The following CRYBG3 variants were observed in gnomAD, a reference collection of about 807,000 sequenced individuals.
CRYBG3 encodes very large A-kinase anchor protein.
A neutral mutation model predicts 244.2 loss-of-function variants in CRYBG3; 127 were observed. The observed-to-expected ratio is 0.52, with a 90% CI of 0.45 to 0.60. CRYBG3 has a LOEUF of 0.60. CRYBG3 is among the 20% of genes least tolerant of loss of function. CRYBG3 has a pLI of 0.00. For missense variants in CRYBG3, 3,325 were observed against 3,442.5 expected (o/e 0.97, Z 0.85); for synonymous variants, 1,132 against 1,195.8 (o/e 0.95, Z 1.10).
intron 4 of CRYBG3, among the ~76,000 whole-genome samples, chr3:97,879,310 A>G (rs1367866460): frequency 6.6e-6 from 1 of 152,086 alleles, no homozygotes; most frequent in Non-Finnish European, 1.5e-5. Context: ...ACTCACTGAA[A>G]TATTGTTTTT....
intron 9 of CRYBG3, among the ~76,000 whole-genome samples, chr3:97,889,123 T>C (rs2039542836): frequency 6.6e-6 from 1 of 152,180 alleles, no homozygotes; most frequent in African/African-American, 2.4e-5. Flanking sequence ...CTGGAAAGTG[T>C]ATCCTTAAGA....
chr3:97,914,650 C>T (rs1346234182), intron 16 of CRYBG3, among the ~76,000 whole-genome samples: 1 of 152,082 alleles, frequency 6.6e-6, no homozygotes, highest in African/African-American at 2.4e-5. Flanking sequence ...AATAACGGTA[C>T]CTACCTCAAA....
chr3:97,939,158 AT>A (rs1008331985), intron 19 of CRYBG3, among the ~76,000 whole-genome samples: 11 of 152,170 alleles, frequency 7.2e-5, no homozygotes, highest in African/African-American at 2.6e-4. Context: ...CTGGTAAAGG[AT>A]AGAACAGCCA....
chr3:97,861,221 T>G (rs1467918520), intron 2 of CRYBG3, among the ~76,000 whole-genome samples: 1 of 152,208 alleles, frequency 6.6e-6, no homozygotes, highest in Non-Finnish European at 1.5e-5. Flanking sequence ...TGTGTCTTTG[T>G]GCATACTATG....
intron 7 of CRYBG3, among the ~76,000 whole-genome samples, chr3:97,883,484 C>T (rs567329123): frequency 8.8e-4 from 134 of 152,074 alleles, no homozygotes; most frequent in Non-Finnish European, 1.7e-3. Context: ...CTCTCTCACC[C>T]CCCCCACCAA....
At chr3:97,835,566 G>A (rs978636773) in intron 1 of CRYBG3, among the ~76,000 whole-genome samples, 1 of 152,122 alleles carries the variant, frequency 6.6e-6, no homozygotes, top group Admixed American at 6.6e-5. Flanking sequence ...TTAGTTCATA[G>A]TAAGGAGTTG....
At chr3:97,890,937 A>G (rs2039568865) in intron 10 of CRYBG3, among the ~76,000 whole-genome samples, 2 of 152,202 alleles carry the variant, frequency 1.3e-5, no homozygotes, top group South Asian at 4.1e-4. Context: ...AATGCCAAAA[A>G]TTTGTTTCTG....
intron 1 of CRYBG3, among the ~76,000 whole-genome samples, chr3:97,842,219 G>A (rs1037789559): frequency 1.3e-5 from 2 of 152,126 alleles, no homozygotes; most frequent in Admixed American, 1.3e-4. Flanking sequence ...AATTTGTCTA[G>A]TATTATGAAA....
intron 2 of CRYBG3, among the ~76,000 whole-genome samples, chr3:97,847,544 T>C (rs1023819998): frequency 2.6e-5 from 4 of 152,236 alleles, no homozygotes; most frequent in Non-Finnish European, 5.9e-5. Flanking sequence ...ATAAACTTCA[T>C]TTATCAAAAA....
chr3:97,886,482 G>A (rs2039508150), intron 7 of CRYBG3, 149 bp from the exon 8 acceptor site: 3 of 543,350 alleles, frequency 5.5e-6, no homozygotes, highest in Non-Finnish European at 9.1e-6. Flanking sequence ...AAAAAAAAGG[G>A]TGAGGAGAAA....
chr3:97,939,836 G>T lies in CRYBG3; in HGVS notation c.8506-1312G>T, dbSNP rs139959326. Among the ~76,000 whole-genome samples the T allele has an allele frequency of 2.6e-5, 4 of 152,094 alleles. No individual in the cohort carries two copies. In the East Asian group the frequency reaches 7.7e-4, roughly 29 times the overall value. ...ATTTTGCCAAGTAGAGAGCTTGTTC[G>T]CCTGGTTTAAATGGCCAGATAATTT... is the stretch of plus-strand genomic sequence containing the variant. On this transcript the variant is annotated intron_variant, in intron 19 of 21. Transcript: ENST00000389622.
chr3:97,892,816 T>C, intron 10 of CRYBG3, 44 bp from the exon 11 acceptor site: 5 of 1,041,844 alleles, frequency 4.8e-6, no homozygotes, highest in Non-Finnish European at 6.8e-6. Flanking sequence ...CTTAAGTAAA[T>C]ATGTGTCTAT....
intron 1 of CRYBG3, among the ~76,000 whole-genome samples, chr3:97,828,767 G>T (rs561522032): frequency 6.7e-6 from 1 of 149,158 alleles, no homozygotes; most frequent in Non-Finnish European, 1.5e-5. Context: ...GGCAGAGGTT[G>T]CAGTGAGCCA....
chr3:97,904,672 TTTTTTTA>T (rs1213856239), intron 15 of CRYBG3, among the ~76,000 whole-genome samples: 1 of 151,098 alleles, frequency 6.6e-6, no homozygotes, highest in Non-Finnish European at 1.5e-5. Context: ...TTATTTTTAT[TTTTTTTA>T]TTTTTTATTT....
intron 16 of CRYBG3, 45 bp downstream of exon 16, chr3:97,912,321 A>G (rs1559741886): frequency 2.1e-6 from 2 of 957,072 alleles, no homozygotes; most frequent in Non-Finnish European, 3.2e-6. Context: ...TTAATAACTA[A>G]TACTTTTAAA....
Position 97,877,610 on chromosome 3 carries a change from A to C in CRYBG3, c.6416A>C (p.Asp2139Ala). The C allele has an allele frequency of 6.2e-7, 1 of 1,614,074 alleles. No homozygotes were observed. Among genetic ancestry groups the C allele is most frequent in the Non-Finnish European group, 8.5e-7 (1 of 1,180,000 alleles). Residue 2139 changes from aspartate (D) to alanine (A), a missense_variant, in exon 4 of 22, where the codon GAT becomes GCT. By Grantham distance (126) the Asp-to-Ala change is moderately radical. This residue lies in a region of CRYBG3 where 450 missense variants were observed against 424.1 expected (regional missense o/e 1.06). Coordinates refer to ENST00000389622, the MANE Select transcript of CRYBG3 (RefSeq NM_153605.4). ...TCAGAACGTTTAAAGATGAATTTTG[A>C]TGAAGATGACAGAGAGGCAGCTGAT... ...SVSERLKMNFDEDDREAADEE... is the reference protein window; with the variant it reads ...SVSERLKMNFAEDDREAADEE...
chr3:97,943,244 A>G lies in CRYBG3; in HGVS notation c.8843A>G (p.Lys2948Arg), dbSNP rs755281974. ...ATTTTAGGAGGAAATTATTGTGACAAGACTCATGTAATTGTAAATCAGCCC... is the reference window on the plus strand; with the variant it reads ...ATTTTAGGAGGAAATTATTGTGACAGGACTCATGTAATTGTAAATCAGCCC... ...LDVKGGNYCD[K>R]THVIVNQPLE... is the part of the protein sequence containing the mutation. Residue 2948 changes from lysine to arginine, a missense_variant, in exon 22 of 22, where the codon AAG becomes AGG. By Grantham distance (26) the Lys-to-Arg change is conservative. Around this residue, in one of 4 missense-constraint regions of CRYBG3, gnomAD observed 714 missense variants for 803.6 expected, o/e 0.89. Coordinates refer to ENST00000389622, the MANE Select transcript of CRYBG3 (RefSeq NM_153605.4). 12 of 1,580,980 alleles carry G rather than the reference A, an allele frequency of 7.6e-6. No homozygotes were observed. In the Admixed American group the frequency reaches 1.9e-4, roughly 25 times the overall value.
rs1298236182 is a variant in CRYBG3 at position 97,877,679 on chromosome 3, A to G, written c.6485A>G (p.Asp2162Gly). Reference sequence around the variant, plus strand: ...GAGGCAGCAGTATTGCATAAAGGAGATCTGAGAGCTGGAAGTGGGGAGCGT... The same window carrying G: ...GAGGCAGCAGTATTGCATAAAGGAGGTCTGAGAGCTGGAAGTGGGGAGCGT... ...EEEAAVLHKG[D>G]LRAGSGERVT... The change falls in exon 4 of 22, where the codon GAT becomes GGT. Residue 2162 changes from aspartate (D) to glycine (G), a missense_variant. By Grantham distance (94) the Asp-to-Gly change is moderately conservative (BLOSUM62 -1). Transcript: ENST00000389622. 1 of 1,613,988 alleles carries G rather than the reference A, an allele frequency of 6.2e-7. No individual in the cohort carries two copies. Among genetic ancestry groups the G allele is most frequent in the African/African-American group, 1.3e-5 (1 of 74,904 alleles).
intron 16 of CRYBG3, among the ~76,000 whole-genome samples, chr3:97,913,997 A>G (rs2039900801): frequency 1.3e-5 from 2 of 152,122 alleles, no homozygotes; most frequent in East Asian, 1.9e-4. Flanking sequence ...TCCTGCAGGT[A>G]TATAAGCTTG....
Sources: allele counts gnomAD v4.1 joint callset (sites outside exome capture counted in the v4.1 genomes callset), GRCh38; gene constraint gnomAD v4.1.1; regional missense constraint gnomAD v4.1.1; transcripts MANE v1.5; gene names NCBI Gene and HGNC (gene_info 2026-07-23, HGNC 2026-07-21).